The following BLTP1 variants were observed in gnomAD, a reference collection of about 807,000 sequenced individuals.
BLTP1 encodes bridge-like lipid transfer protein family member 1.
At chr4:122,271,685 G>A in the BLTP1 span, 1 of 1,584,690 alleles carries the variant, frequency 6.3e-7, no homozygotes. Flanking sequence ...CGATCCAACA[G>A]GAATATTGGA....
chr4:122,170,578 A>T, the BLTP1 span: 1 of 1,458,530 alleles, frequency 6.9e-7, no homozygotes, highest in Non-Finnish European at 9.0e-7. Context: ...AATTTTATAA[A>T]TCTCTGATTC....
chr4:122,204,958 C>A, the BLTP1 span: 1 of 208,146 alleles, frequency 4.8e-6, no homozygotes, highest in Non-Finnish European at 8.4e-6. Context: ...TAGCCACATG[C>A]CTTTTATTGT....
the BLTP1 span, chr4:122,309,570 C>A: frequency 1.8e-6 from 2 of 1,138,594 alleles, no homozygotes; most frequent in Non-Finnish European, 2.5e-6. Flanking sequence ...TGTTTTTAGA[C>A]TTTGAGAAAG....
the BLTP1 span, among the ~76,000 whole-genome samples, chr4:122,266,132 G>A: frequency 6.6e-6 from 1 of 152,210 alleles, no homozygotes; most frequent in Non-Finnish European, 1.5e-5. Context: ...CAGAGGATGA[G>A]TAGTCAGAGT....
chr4:122,156,795 G>A, the BLTP1 span, among the ~76,000 whole-genome samples: 1 of 152,198 alleles, frequency 6.6e-6, no homozygotes, highest in Non-Finnish European at 1.5e-5. Context: ...AATAATTGGT[G>A]AAGCAAAGTC....
At chr4:122,353,691 T>C in the BLTP1 span, 2 of 1,175,522 alleles carry the variant, frequency 1.7e-6, no homozygotes, top group Non-Finnish European at 2.3e-6. The surrounding 1 kb of genome is among the most constrained non-coding windows in gnomAD (Gnocchi z 4.3). Context: ...TATCCTCATT[T>C]ATTCTTCATT....
the BLTP1 span, chr4:122,226,551 A>G: frequency 6.8e-7 from 1 of 1,460,432 alleles, no homozygotes; most frequent in Non-Finnish European, 9.0e-7. Flanking sequence ...AAAGGTAGAA[A>G]AAAATCATTG....
the BLTP1 span, chr4:122,263,677 G>T: frequency 1.1e-6 from 1 of 871,094 alleles, no homozygotes; most frequent in Non-Finnish European, 1.8e-6. Flanking sequence ...CAGGGGATGG[G>T]TTAAAAATCA....
the BLTP1 span, chr4:122,325,772 T>C: frequency 1.2e-6 from 1 of 833,344 alleles, no homozygotes; most frequent in Non-Finnish European, 1.7e-6. Flanking sequence ...ATGTTTATTT[T>C]GTTTTTTGTG....
the BLTP1 span, among the ~76,000 whole-genome samples, chr4:122,294,219 T>C: frequency 1.3e-5 from 2 of 151,942 alleles, no homozygotes; most frequent in African/African-American, 4.8e-5. Context: ...ATGAGGGGCG[T>C]TTCCCCCAGG....
the BLTP1 span, chr4:122,207,201 T>A: frequency 6.2e-7 from 1 of 1,612,292 alleles, no homozygotes; most frequent in Non-Finnish European, 8.5e-7. Flanking sequence ...TTCATCAGTT[T>A]GAAATGATTT....
chr4:122,247,920 G>T, the BLTP1 span: 1 of 982,300 alleles, frequency 1.0e-6, no homozygotes, highest in Non-Finnish European at 1.2e-6. Flanking sequence ...CAGAATGTCA[G>T]AGATTCAATT....
the BLTP1 span, among the ~76,000 whole-genome samples, chr4:122,303,807 T>A: frequency 1.3e-5 from 2 of 152,232 alleles, no homozygotes; most frequent in East Asian, 1.9e-4. Context: ...TTCCTTCTTA[T>A]GAATGAGCAA....
the BLTP1 span, among the ~76,000 whole-genome samples, chr4:122,337,716 T>C: frequency 6.6e-6 from 1 of 151,820 alleles, no homozygotes; most frequent in Non-Finnish European, 1.5e-5. Context: ...AATTGAGATA[T>C]AAAGTCACAA....
At chr4:122,336,043 T>C in the BLTP1 span, 2 of 586,190 alleles carry the variant, frequency 3.4e-6, no homozygotes, top group South Asian at 5.1e-5. Context: ...CATTAACATA[T>C]CATTCCTATC....
At chr4:122,156,392 G>A in the BLTP1 span, among the ~76,000 whole-genome samples, 1 of 152,218 alleles carries the variant, frequency 6.6e-6, no homozygotes, top group South Asian at 2.1e-4. Context: ...GGGCAGGGAA[G>A]TAAGATTGGG....
chr4:122,328,083 G>T, the BLTP1 span: 2 of 1,495,652 alleles, frequency 1.3e-6, no homozygotes, highest in Admixed American at 1.9e-5. Flanking sequence ...TCTGATTCAT[G>T]TTTTTTCTTT....
the BLTP1 span, chr4:122,244,203 C>A: frequency 5.8e-6 from 2 of 343,174 alleles, no homozygotes; most frequent in Non-Finnish European, 8.1e-6. Context: ...TGAAAATATG[C>A]TTAAAGAGGT....
chr4:122,298,369 A>G, the BLTP1 span: 2 of 289,490 alleles, frequency 6.9e-6, no homozygotes, highest in Non-Finnish European at 1.0e-5. Flanking sequence ...ATCCTGTTAG[A>G]AAGTGTCAAG....
Sources: allele counts gnomAD v4.1 joint callset (sites outside exome capture counted in the v4.1 genomes callset), GRCh38; gene constraint gnomAD v4.1.1; non-coding constraint Gnocchi (gnomAD v3.1); transcripts MANE v1.5; gene names NCBI Gene and HGNC (gene_info 2026-07-23, HGNC 2026-07-21).